The following PHYKPL variants were observed in gnomAD, a reference collection of about 807,000 sequenced individuals.
PHYKPL encodes the protein 5-phosphonooxy-L-lysine phospho-lyase.
PHYKPL carries 42 observed loss-of-function variants against 51.3 expected under a neutral mutation model. That is an observed-to-expected ratio of 0.82 (90% confidence interval 0.64 to 1.06). The LOEUF (loss-of-function observed/expected upper bound fraction) is 1.06. Among genes scored for constraint, PHYKPL ranks in the 50% least tolerant of loss-of-function variants. The pLI is 0.00. For synonymous variants in PHYKPL, 264 were observed against 236.0 expected (o/e 1.12, Z -1.09); for missense variants, 655 against 586.6 (o/e 1.12, Z -1.20).
rs915743181 is a variant in PHYKPL at position 178,214,992 on chromosome 5, G to C, written c.1083-107C>G. On this transcript the variant is annotated intron_variant, in intron 9 of 12. Transcript: ENST00000308158. ...TGCCTCCTGAGGGGGCTGAGTGCAG[G>C]AGGCACCTTCAGAAGGTGGTGAGAA... 9.9e-6 allele frequency: 10 copies of C among 1,009,814 alleles called. No individual in the cohort carries two copies. The African/African-American group carries it at 1.6e-4, about 17-fold the overall frequency. The allele number at this position is 1,009,814 out of a possible 1,614,324, so 62.6% of individuals were successfully genotyped here. A position where few individuals can be genotyped will look rare whatever the true frequency, so the allele number is the denominator to read the frequency against.
In PHYKPL at chr5:178,224,508, A is replaced by G. The variant is rs554561567; in HGVS notation, c.558T>C (p.Ala186=). ...GTTTCACCTCGTTGGCATAGGCCATAGCTGGGTTGGGGTGGTCCTCCCGGT... is the reference window on the plus strand; with the variant it reads ...GTTTCACCTCGTTGGCATAGGCCATGGCTGGGTTGGGGTGGTCCTCCCGGT... ...GPYREDHPNP[A]MAYANEVKRV... The change falls in exon 6 of 13, where the codon GCT becomes GCC. Residue 186 remains alanine (A), a synonymous_variant. Coordinates refer to ENST00000308158, the MANE Select transcript of PHYKPL (RefSeq NM_153373.4). 1.1e-5 allele frequency: 17 copies of G among 1,613,560 alleles called. No homozygotes were observed. The South Asian group carries it at 1.5e-4, about 15-fold the overall frequency.
intron 11 of PHYKPL, 147 bp downstream of exon 11, chr5:178,212,826 G>T: frequency 1.8e-6 from 2 of 1,142,342 alleles, no homozygotes; most frequent in South Asian, 1.7e-5. Context: ...GGCCATGAAA[G>T]ACCCTCTCTT....
chr5:178,209,223 C>A, intron 12 of PHYKPL: 1 of 916,912 alleles, frequency 1.1e-6, no homozygotes, highest in Non-Finnish European at 1.8e-6. Context: ...TGTTTCTCAG[C>A]AAATGGACCT....
At position 178,214,899 on chromosome 5, in the gene PHYKPL, TGAC is replaced by T. The variant is rs759171309; in HGVS notation, c.1083-17_1083-15del. The T allele has an allele frequency of 1.7e-4, 279 of 1,612,356 alleles. No homozygotes were observed. The highest frequency in any genetic ancestry group is 2.1e-4 in the Non-Finnish European group (251 of 1,179,558). On this transcript the variant is annotated splice_polypyrimidine_tract_variant and intron_variant, in intron 9 of 12. Transcript: ENST00000308158. ...AGCCCAACACCCCTGCAAGGGAAGG[TGAC>T]GACATCTCAGGAGGCCAGGCCTGAG...
chr5:178,221,952 C>T (rs948473743), intron 8 of PHYKPL, among the ~76,000 whole-genome samples: 2 of 152,152 alleles, frequency 1.3e-5, no homozygotes, highest in African/African-American at 2.4e-5. Context: ...TGACCCTGTA[C>T]CCCAAAGACA....
intron 8 of PHYKPL, among the ~76,000 whole-genome samples, chr5:178,219,552 C>T (rs1356276012): frequency 6.6e-6 from 1 of 151,902 alleles, no homozygotes; most frequent in Non-Finnish European, 1.5e-5. Flanking sequence ...CGGGTTCACG[C>T]CATTCTCCTG....
rs1224483759 is a variant in PHYKPL at position 178,222,864 on chromosome 5, G to C, written c.689C>G (p.Ser230Cys). ...GQIIPPAGYF[S>C]QVAEHIRKAG... is the part of the protein sequence containing the mutation. The stretch of plus-strand genomic sequence containing the variant: ...CCCACCTACTCACTCTGCCACTTGG[G>C]AGAAGTAGCCAGCAGGGGGAATGAT... The change falls in exon 7 of 13, where the codon TCC becomes TGC. Residue 230 changes from serine to cysteine, a missense_variant. By Grantham distance (112) the Ser-to-Cys change is moderately radical (BLOSUM62 -1). Coordinates refer to ENST00000308158, the MANE Select transcript of PHYKPL (RefSeq NM_153373.4). The C allele has an allele frequency of 1.2e-6, 2 of 1,614,166 alleles. No individual in the cohort carries two copies. The highest frequency in any genetic ancestry group is 4.5e-5 in the East Asian group (2 of 44,878).
At chr5:178,207,327 G>A (rs1222641798), downstream of PHYKPL, 2 of 1,417,808 alleles carry the variant, frequency 1.4e-6, no homozygotes, top group Non-Finnish European at 1.9e-6. Flanking sequence ...TCTCCAGGTT[G>A]GTCAGACTTT....
intron 12 of PHYKPL, chr5:178,210,935 TAA>T (rs1358492979): frequency 2.1e-5 from 8 of 385,852 alleles, no homozygotes; most frequent in Non-Finnish European, 3.8e-5. Flanking sequence ...ACCCTGGTTG[TAA>T]AGAGTAAATT....
intron 8 of PHYKPL, chr5:178,216,708 T>G (rs541141956): frequency 1.3e-5 from 2 of 152,334 alleles, no homozygotes; most frequent in South Asian, 4.1e-4. Context: ...AAGCTGACAC[T>G]GACCTTACTG....
chr5:178,215,970 GTTTT>G (rs1442163592), intron 8 of PHYKPL: 3 of 152,394 alleles, frequency 2.0e-5, no homozygotes, highest in Admixed American at 6.5e-5. Flanking sequence ...TGCAAACCAC[GTTTT>G]TTGTTTCGTT....
At chr5:178,214,143 A>G (rs1408665283) in intron 10 of PHYKPL, among the ~76,000 whole-genome samples, 1 of 152,190 alleles carries the variant, frequency 6.6e-6, no homozygotes, top group Non-Finnish European at 1.5e-5. Context: ...CAATTTGAAT[A>G]AGGACACGTC....
chr5:178,208,292 G>T (rs1341849031), downstream of PHYKPL, among the ~76,000 whole-genome samples: 1 of 152,180 alleles, frequency 6.6e-6, no homozygotes, highest in East Asian at 1.9e-4. Flanking sequence ...CTGGGAGTTT[G>T]GAAAGAGTGG....
rs756887503 is a variant in PHYKPL at position 178,209,315 on chromosome 5, C to A, written c.*32-400G>T. 2.5e-6 allele frequency: 4 copies of A among 1,610,364 alleles called. No homozygotes were observed. The South Asian group carries it at 4.4e-5, about 18-fold the overall frequency. ...TTTGTCCTACTGGCCTGACCACTGT[C>A]CTCTTGACTTTTAGTGTGAGATCAA... On this transcript the variant is annotated intron_variant, in intron 12 of 12. Coordinates refer to ENST00000308158, the MANE Select transcript of PHYKPL (RefSeq NM_153373.4).
At chr5:178,209,986 G>A in intron 12 of PHYKPL, 1 of 1,043,694 alleles carries the variant, frequency 9.6e-7, no homozygotes. Context: ...TGGGCCCAGG[G>A]CCCTTATACA....
At chr5:178,228,720 C>A in intron 3 of PHYKPL, 1 of 667,920 alleles carries the variant, frequency 1.5e-6, no homozygotes, top group South Asian at 1.6e-5. Context: ...GGAATGTTCT[C>A]TCCCAGATAC....
intron 8 of PHYKPL, among the ~76,000 whole-genome samples, chr5:178,218,693 T>G (rs776478133): frequency 6.6e-6 from 1 of 152,208 alleles, no homozygotes; most frequent in Non-Finnish European, 1.5e-5. Context: ...GTTATAGTTA[T>G]AGCATCTTGA....
At chr5:178,212,161 T>C (rs1451453638) in intron 11 of PHYKPL, among the ~76,000 whole-genome samples, 191 bp from the exon 12 acceptor site, 1 of 152,216 alleles carries the variant, frequency 6.6e-6, no homozygotes, top group South Asian at 2.1e-4. Context: ...TCTCCTGAGA[T>C]TTGTAGGCTC....
Position 178,214,873 on chromosome 5 carries a change from G to A in PHYKPL, c.1095C>T (p.Leu365=). The A allele has an allele frequency of 6.2e-7, 1 of 1,613,646 alleles. No individual in the cohort carries two copies. Among genetic ancestry groups the A allele is most frequent in the Non-Finnish European group, 8.5e-7 (1 of 1,179,994 alleles). Residue 365 remains leucine, a synonymous_variant, in exon 10 of 13, where the codon CTC becomes CTT. Transcript: ENST00000308158. ...CTTTGATCAGATCCACACCAATGAAGAGCCCAACACCCCTGCAAGGGAAGG... is the reference window on the plus strand; with the variant it reads ...CTTTGATCAGATCCACACCAATGAAAAGCCCAACACCCCTGCAAGGGAAGG... ...PIVGDVRGVG[L]FIGVDLIKDE...
Sources: gnomAD v4.1 joint callset for allele counts (sites outside exome capture counted in the v4.1 genomes callset) on GRCh38, gnomAD v4.1.1 for gene constraint, MANE v1.5 for transcripts, NCBI Gene and HGNC (gene_info 2026-07-23, HGNC 2026-07-21) for gene names.